The following VPS13B variants were observed in gnomAD, a reference collection of about 807,000 sequenced individuals.
VPS13B encodes the protein vacuolar protein sorting 13 homolog B.
A neutral mutation model predicts 426.4 loss-of-function variants in VPS13B; 285 were observed. That is an observed-to-expected ratio of 0.67 (90% CI 0.61 to 0.74). The LOEUF is 0.74. Among genes scored for constraint, VPS13B ranks in the 30% least tolerant of loss-of-function variants. VPS13B has a pLI of 0.00. For missense variants in VPS13B, 4,537 were observed against 4,782.6 expected, an observed-to-expected ratio of 0.95 and a Z score of 1.51; for synonymous variants, 1,676 against 1,676.4, an observed-to-expected ratio of 1.00 and a Z score of 0.01.
chr8:99,524,996 G>T (rs1259799917), intron 30 of VPS13B, among the ~76,000 whole-genome samples: 1 of 152,112 alleles, frequency 6.6e-6, no homozygotes, highest in Non-Finnish European at 1.5e-5. Context: ...AAAGCTAAAG[G>T]ATTTCATCAA....
chr8:99,307,158 G>T (rs545693834), intron 19 of VPS13B, among the ~76,000 whole-genome samples: 1 of 152,032 alleles, frequency 6.6e-6, no homozygotes, highest in African/African-American at 2.4e-5. Flanking sequence ...TCTTGATAGA[G>T]AATGGTAATA....
Position 99,408,914 on chromosome 8 carries a change from G to A in VPS13B, c.3082+17210G>A, listed in dbSNP as rs545159256. Among the ~76,000 whole-genome samples the A allele has an allele frequency of 8.3e-4, 126 of 152,270 alleles. No individual in the cohort carries two copies. In the Middle Eastern group the frequency reaches 0.01, roughly 12 times the overall value. On this transcript the variant is annotated intron_variant, in intron 21 of 61. Transcript: ENST00000357162. The stretch of plus-strand genomic sequence containing the variant: ...GAAAGAAGTGAAGACTGTGTTTTAA[G>A]GATGTGGAAATGATCAACTTTTTCA...
chr8:99,566,217 T>C (rs1825174064), intron 31 of VPS13B, among the ~76,000 whole-genome samples: 1 of 152,202 alleles, frequency 6.6e-6, no homozygotes, highest in African/African-American at 2.4e-5. Flanking sequence ...CTTTATATCT[T>C]AGTGTAGTTA....
intron 15 of VPS13B, among the ~76,000 whole-genome samples, chr8:99,168,260 T>C (rs1222263614): frequency 6.6e-6 from 1 of 152,036 alleles, no homozygotes; most frequent in African/African-American, 2.4e-5. Flanking sequence ...ATAAAGACTT[T>C]TAAAAAAATG....
chr8:99,233,999 A>G (rs943040129), intron 17 of VPS13B: 16 of 775,476 alleles, frequency 2.1e-5, no homozygotes, highest in African/African-American at 8.5e-5. Flanking sequence ...GATGTTCACT[A>G]TGGTCAAGCC....
intron 3 of VPS13B, among the ~76,000 whole-genome samples, chr8:99,073,699 C>CTTTTTTTTTTTTTTT (rs71273160): frequency 1.2e-5 from 1 of 83,572 alleles, no homozygotes; most frequent in Admixed American, 1.2e-4. Flanking sequence ...ATTTTCTTTC[C>CTTTTTTTTTTTTTTT]TTTTTTTTTT....
intron 21 of VPS13B, among the ~76,000 whole-genome samples, chr8:99,410,486 T>C (rs1352098106): frequency 6.6e-6 from 1 of 152,152 alleles, no homozygotes; most frequent in African/African-American, 2.4e-5. Flanking sequence ...TGTGGAATCT[T>C]TCCTGCCAAT....
intron 33 of VPS13B, among the ~76,000 whole-genome samples, chr8:99,615,961 G>A (rs1009075658): frequency 6.6e-6 from 1 of 151,962 alleles, no homozygotes; most frequent in African/African-American, 2.4e-5. Flanking sequence ...TATGTAGGTA[G>A]GTGTTTTCTA....
chr8:99,347,600 G>A (rs886253534), intron 19 of VPS13B: 2 of 152,256 alleles, frequency 1.3e-5, no homozygotes, highest in Non-Finnish European at 2.9e-5. Flanking sequence ...GCCACCTTCA[G>A]GATCACATCT....
intron 19 of VPS13B, among the ~76,000 whole-genome samples, chr8:99,277,282 A>G (rs896124822): frequency 6.6e-6 from 1 of 152,128 alleles, no homozygotes; most frequent in Non-Finnish European, 1.5e-5. Flanking sequence ...AAAATGTAAT[A>G]TATTTTAACT....
At chr8:99,447,699 T>C (rs149390148) in intron 23 of VPS13B, among the ~76,000 whole-genome samples, 1,835 of 152,272 alleles carry the variant, frequency 0.012, 20 homozygotes, top group Non-Finnish European at 0.016. Context: ...TGTGCATGCA[T>C]GTGTATATGT....
intron 3 of VPS13B, among the ~76,000 whole-genome samples, chr8:99,093,469 G>C (rs1002919144): frequency 6.6e-6 from 1 of 151,490 alleles, no homozygotes; most frequent in African/African-American, 2.4e-5. Context: ...ATGCTGGTGC[G>C]CTGCACCCAC....
At chr8:99,758,226 T>C (rs1235486500) in intron 39 of VPS13B, among the ~76,000 whole-genome samples, 2 of 152,234 alleles carry the variant, frequency 1.3e-5, no homozygotes, top group African/African-American at 4.8e-5. Context: ...TATGAAGTTA[T>C]AAGAACAATA....
At chr8:99,257,561 TACACACAC>T (rs34558672) in intron 17 of VPS13B, among the ~76,000 whole-genome samples, 5 of 150,834 alleles carry the variant, frequency 3.3e-5, no homozygotes, top group East Asian at 1.9e-4. Context: ...TGCATGTGTG[TACACACAC>T]ACACACACAC....
At chr8:99,693,330 C>G (rs1831777097) in intron 35 of VPS13B, among the ~76,000 whole-genome samples, 1 of 150,372 alleles carries the variant, frequency 6.7e-6, no homozygotes, top group South Asian at 2.1e-4. Context: ...AGCAGCACAT[C>G]AAAAAGCTTA....
intron 39 of VPS13B, among the ~76,000 whole-genome samples, chr8:99,759,361 A>G (rs1215480608): frequency 6.6e-6 from 1 of 152,178 alleles, no homozygotes; most frequent in Non-Finnish European, 1.5e-5. Context: ...TCATTAAACT[A>G]TTCATTAAAC....
chr8:99,531,211 A>G (rs139464975), intron 30 of VPS13B, among the ~76,000 whole-genome samples: 151 of 152,314 alleles, frequency 9.9e-4, no homozygotes, highest in Non-Finnish European at 1.5e-3. Flanking sequence ...GTACTTGAAC[A>G]TGCAATCCGT....
At chr8:99,555,128 G>A (rs2133761331) in intron 30 of VPS13B, among the ~76,000 whole-genome samples, 1 of 152,082 alleles carries the variant, frequency 6.6e-6, no homozygotes, top group Admixed American at 6.6e-5. Context: ...TTCCACTCAG[G>A]TCTGCTCCTT....
At chr8:99,747,688 G>A (rs1289800607) in intron 39 of VPS13B, among the ~76,000 whole-genome samples, 1 of 151,852 alleles carries the variant, frequency 6.6e-6, no homozygotes, top group Non-Finnish European at 1.5e-5. Context: ...TTGTTTTGTT[G>A]TTTATTGTTC....
Sources: allele counts gnomAD v4.1 joint callset (sites outside exome capture counted in the v4.1 genomes callset), GRCh38; gene constraint gnomAD v4.1.1; transcripts MANE v1.5; gene names NCBI Gene and HGNC (gene_info 2026-07-23, HGNC 2026-07-21).